Variants in TBX4 observed in about 807,000 individuals in gnomAD.
TBX4 encodes T-box transcription factor TBX4.
In TBX4, 13 loss-of-function variants were observed where a neutral mutation model predicts 54.6. The ratio of observed to expected loss-of-function variants is 0.24; its 90% CI spans 0.15 to 0.38. The LOEUF is 0.38. Among genes scored for constraint, TBX4 ranks in the 10% least tolerant of loss-of-function variants. The pLI, the probability that TBX4 is intolerant of heterozygous loss-of-function variation, is 1.00. For missense variants in TBX4, 631 were observed against 728.5 expected (o/e 0.87, Z 1.54); for synonymous variants, 314 against 306.7 (o/e 1.02, Z -0.25).
At chr17:61,453,404 T>C (rs1165462860) in intron 1 of TBX4, among the ~76,000 whole-genome samples, 1 of 152,168 alleles carries the variant, frequency 6.6e-6, no homozygotes, top group Non-Finnish European at 1.5e-5. Flanking sequence ...GTGGTAGTGA[T>C]ATAATAATAT....
chr17:61,454,816 C>A lies in TBX4; in HGVS notation c.-3-1672C>A, dbSNP rs758470377. Among the ~76,000 whole-genome samples, 30 of 152,344 alleles carry A rather than the reference C, an allele frequency of 2.0e-4. 1 individual carries two copies. Among genetic ancestry groups the A allele is most frequent in the Non-Finnish European group, 3.7e-4 (25 of 68,028 alleles). ...TGTGACAAGAGCCCAGCAGAGGACC[C>A]CATGGCCATGCGGGCCAAGCGCGAG... is the stretch of plus-strand genomic sequence containing the variant. On this transcript the variant is annotated intron_variant, in intron 1 of 8. Transcript: ENST00000644296.
At position 61,465,770 on chromosome 17, in the gene TBX4, C is replaced by T; in HGVS notation, c.282-49C>T. 4 of 1,612,128 alleles carry T rather than the reference C, an allele frequency of 2.5e-6. No homozygotes were observed. The highest frequency in any genetic ancestry group is 3.4e-6 in the Non-Finnish European group (4 of 1,178,860). Reference sequence around the variant, plus strand: ...CCCCCTTGCTCACTCTGTTCCATCTCTCCTGGTGCTCTGTCCACACGCTCC... The same window carrying T: ...CCCCCTTGCTCACTCTGTTCCATCTTTCCTGGTGCTCTGTCCACACGCTCC... On this transcript the variant is annotated intron_variant, in intron 3 of 8. Transcript: ENST00000644296. This position sits in a 1 kb window ranked among gnomAD's most constrained non-coding sequence, Gnocchi z 4.9.
rs1210808104 is a variant in TBX4, at chr17:61,460,901, A to T, written c.281+3270A>T. Among the ~76,000 whole-genome samples the T allele has an allele frequency of 2.0e-5, 3 of 152,304 alleles. No homozygotes were observed. The highest frequency in any genetic ancestry group is 7.2e-5 in the African/African-American group (3 of 41,560). ...ACAGTGAATTTGCGTTTGAAAAATG[A>T]ACTACCGATGAGAACTCCTGTTGAA... On this transcript the variant is annotated intron_variant, in intron 3 of 8. Coordinates refer to ENST00000644296, the MANE Select transcript of TBX4 (RefSeq NM_001321120.2). This position sits in a 1 kb window ranked among gnomAD's most constrained non-coding sequence, Gnocchi z 4.4.
At position 61,478,406 on chromosome 17, in the gene TBX4, T is replaced by G; in HGVS notation, c.550-221T>G. 1 of 602,708 alleles carries G rather than the reference T, an allele frequency of 1.7e-6. No individual in the cohort carries two copies. Among genetic ancestry groups the G allele is most frequent in the Non-Finnish European group, 2.9e-6 (1 of 341,676 alleles). 37.3% of individuals were successfully genotyped at this position (602,708 alleles called of 1,614,324 possible). A position where few individuals can be genotyped will look rare whatever the true frequency, so the allele number is the denominator to read the frequency against. On this transcript the variant is annotated intron_variant, in intron 5 of 8. Transcript: ENST00000644296. The surrounding 1 kb of genome is among the most constrained non-coding windows in gnomAD (Gnocchi z 7.4). ...ATCAAGGAGGGCCTGGAGCTGGGCATTAGTGCTGGTGCAGAGAGGCTAAGT... is the reference window on the plus strand; with the variant it reads ...ATCAAGGAGGGCCTGGAGCTGGGCAGTAGTGCTGGTGCAGAGAGGCTAAGT...
At chr17:61,455,240 G>A (rs1032432325) in intron 1 of TBX4, among the ~76,000 whole-genome samples, 1 of 152,248 alleles carries the variant, frequency 6.6e-6, no homozygotes, top group African/African-American at 2.4e-5. Flanking sequence ...CCGGGATGAG[G>A]AGGCCTCTGA....
Position 61,483,916 on chromosome 17 carries a change from C to A in TBX4, c.*400C>A. The A allele has an allele frequency of 3.8e-6, 1 of 265,908 alleles. No individual in the cohort carries two copies. Among genetic ancestry groups the A allele is most frequent in the East Asian group, 9.4e-5 (1 of 10,616 alleles). The allele number at this position is 265,908 out of a possible 1,614,324, so 16.5% of individuals were successfully genotyped here. A position where few individuals can be genotyped will look rare whatever the true frequency, so the allele number is the denominator to read the frequency against. On this transcript the variant is annotated 3_prime_UTR_variant, in exon 9 of 9. Coordinates refer to ENST00000644296, the MANE Select transcript of TBX4 (RefSeq NM_001321120.2). The surrounding 1 kb of genome is among the most constrained non-coding windows in gnomAD (Gnocchi z 6.6). ...CTCCCATGGGGAAAGATTCTCACTG[C>A]TGGGGTGGGAAGATTCTCGCTGCTG...
rs528504472 is a variant in TBX4, at chr17:61,481,285, A to T, written c.1021+966A>T. On this transcript the variant is annotated intron_variant, in intron 8 of 8. Coordinates refer to ENST00000644296, the MANE Select transcript of TBX4 (RefSeq NM_001321120.2). The surrounding 1 kb of genome is among the most constrained non-coding windows in gnomAD (Gnocchi z 4.8). ...GTGAAATTAAAGTTTTAGTGTCCAT[A>T]AAGTTTTATTGGAACACAGCCATAC... is the stretch of plus-strand genomic sequence containing the variant. The T allele has an allele frequency of 2.8e-4, 42 of 152,360 alleles. No individual in the cohort carries two copies. The highest frequency in any genetic ancestry group is 9.6e-4 in the African/African-American group (40 of 41,584). 9.4% of individuals were successfully genotyped at this position (152,360 alleles called of 1,614,324 possible).
intron 1 of TBX4, among the ~76,000 whole-genome samples, chr17:61,456,160 C>G (rs1366817460): frequency 6.6e-6 from 1 of 152,178 alleles, no homozygotes; most frequent in Non-Finnish European, 1.5e-5. Context: ...CACCGGAGCT[C>G]AGTAGGAGTG....
In TBX4 at chr17:61,462,531, G is replaced by A. The variant is rs1163683059; in HGVS notation, c.282-3288G>A. Reference sequence around the variant, plus strand: ...GGGTGGGAGCAGGGAGAGGGTAGGGGGCATAGGGAGAGGGTGCAGGGAGGG... The same window carrying A: ...GGGTGGGAGCAGGGAGAGGGTAGGGAGCATAGGGAGAGGGTGCAGGGAGGG... On this transcript the variant is annotated intron_variant, in intron 3 of 8. Coordinates refer to ENST00000644296, the MANE Select transcript of TBX4 (RefSeq NM_001321120.2). This position sits in a 1 kb window ranked among gnomAD's most constrained non-coding sequence, Gnocchi z 4.5. Among the ~76,000 whole-genome samples, 3 of 151,726 alleles carry A rather than the reference G, an allele frequency of 2.0e-5. No individual in the cohort carries two copies. The highest frequency in any genetic ancestry group is 4.4e-5 in the Non-Finnish European group (3 of 67,878).
In TBX4 at chr17:61,460,490, A is replaced by T. The variant is rs1363642806; in HGVS notation, c.281+2859A>T. Among the ~76,000 whole-genome samples, 1 of 152,170 alleles carries T rather than the reference A, an allele frequency of 6.6e-6. No individual in the cohort carries two copies. Among genetic ancestry groups the T allele is most frequent in the Non-Finnish European group, 1.5e-5 (1 of 68,032 alleles). ...TGCCAAACAATTTGGCCTGGTGGAT[A>T]AAATGCCAACCACAGTGGGAGCCAC... On this transcript the variant is annotated intron_variant, in intron 3 of 8. Transcript: ENST00000644296. The surrounding 1 kb of genome is among the most constrained non-coding windows in gnomAD (Gnocchi z 4.4).
chr17:61,470,131 G>T (rs995868308), intron 5 of TBX4, among the ~76,000 whole-genome samples: 1 of 152,188 alleles, frequency 6.6e-6, no homozygotes, highest in Non-Finnish European at 1.5e-5. Context: ...CATGAGAGTG[G>T]CTGTGGTATC....
In TBX4 at chr17:61,478,450, G is replaced by A; in HGVS notation, c.550-177G>A. 1.3e-6 allele frequency: 1 copy of A among 784,910 alleles called. No individual in the cohort carries two copies. The highest frequency in any genetic ancestry group is 1.6e-5 in the South Asian group (1 of 61,036). 48.6% of individuals were successfully genotyped at this position (784,910 alleles called of 1,614,324 possible). A position where few individuals can be genotyped will look rare whatever the true frequency, so the allele number is the denominator to read the frequency against. On this transcript the variant is annotated intron_variant, in intron 5 of 8. Coordinates refer to ENST00000644296, the MANE Select transcript of TBX4 (RefSeq NM_001321120.2). This position sits in a 1 kb window ranked among gnomAD's most constrained non-coding sequence, Gnocchi z 7.4. ...GCTAAGTAGGGCTGGGGTGGGGAGA[G>A]TTTGGGGCCCAGGGGCCTGGTTCTT...
In TBX4 at chr17:61,453,006, A is replaced by G. The variant is rs541885893; in HGVS notation, c.-4+429A>G. 11 of 985,010 alleles carry G rather than the reference A, an allele frequency of 1.1e-5. No individual in the cohort carries two copies. In the South Asian group the frequency reaches 4.7e-4, roughly 42 times the overall value. 61.0% of individuals were successfully genotyped at this position (985,010 alleles called of 1,614,324 possible). ...TAGATATGTGAGTGATCAGAACACT[A>G]GACTCAGAGCCTTTGATGCAATAGA... On this transcript the variant is annotated intron_variant, in intron 1 of 8. Transcript: ENST00000644296.
intron 5 of TBX4, among the ~76,000 whole-genome samples, chr17:61,468,421 C>T (rs896384596): frequency 2.0e-5 from 3 of 152,192 alleles, no homozygotes; most frequent in Non-Finnish European, 2.9e-5. Context: ...GGCACAGGCC[C>T]CTCCCCTCGA....
At chr17:61,467,776 C>A in intron 5 of TBX4, 119 bp downstream of exon 5, 2 of 1,324,178 alleles carry the variant, frequency 1.5e-6, no homozygotes, top group Non-Finnish European at 2.1e-6. Flanking sequence ...CTTTGGCGCT[C>A]ACTGACCAGT....
chr17:61,477,733 G>A, intron 5 of TBX4, among the ~76,000 whole-genome samples: 1 of 152,162 alleles, frequency 6.6e-6, no homozygotes, highest in Admixed American at 6.5e-5. Context: ...TGGAGGTCAG[G>A]AGTTCGAGAC....
rs926593125 is a variant in TBX4 at position 61,456,616 on chromosome 17, C to G, written c.126C>G (p.Ala42=). ...TGGCAGCGCCGGGCCTCAGCGGAGC[C>G]GCGCTAGGCAGCCCCCCGGGACCCG... The part of the protein sequence containing the change: ...PALAAPGLSG[A]ALGSPPGPGA... Residue 42 remains alanine, a synonymous_variant, in exon 2 of 9, where the codon GCC becomes GCG. Coordinates refer to ENST00000644296, the MANE Select transcript of TBX4 (RefSeq NM_001321120.2). 7.2e-7 allele frequency: 1 copy of G among 1,388,926 alleles called. No homozygotes were observed. 86.0% of individuals were successfully genotyped at this position (1,388,926 alleles called of 1,614,324 possible). A position where few individuals can be genotyped will look rare whatever the true frequency, so the allele number is the denominator to read the frequency against.
rs1304635434 is a variant in TBX4, at chr17:61,472,416, T to C, written c.549+4759T>C. ...TTTATTATGAGTAAGGTTAAGCATC[T>C]TCTTTTAATAAATTTCCTCTCCTGC... On this transcript the variant is annotated intron_variant, in intron 5 of 8. Coordinates refer to ENST00000644296, the MANE Select transcript of TBX4 (RefSeq NM_001321120.2). The surrounding 1 kb of genome is among the most constrained non-coding windows in gnomAD (Gnocchi z 4.5). 6.6e-6 allele frequency among the ~76,000 whole-genome samples: 1 copy of C among 152,242 alleles called. No homozygotes were observed. Among genetic ancestry groups the C allele is most frequent in the Non-Finnish European group, 1.5e-5 (1 of 68,040 alleles).
In TBX4 at chr17:61,462,676, C is replaced by G. The variant is rs1026565040; in HGVS notation, c.282-3143C>G. 6.6e-6 allele frequency among the ~76,000 whole-genome samples: 1 copy of G among 152,194 alleles called. No individual in the cohort carries two copies. Among genetic ancestry groups the G allele is most frequent in the Non-Finnish European group, 1.5e-5 (1 of 68,014 alleles). On this transcript the variant is annotated intron_variant, in intron 3 of 8. Coordinates refer to ENST00000644296, the MANE Select transcript of TBX4 (RefSeq NM_001321120.2). This position sits in a 1 kb window ranked among gnomAD's most constrained non-coding sequence, Gnocchi z 4.5. Reference sequence around the variant, plus strand: ...GTGGCAGGGCCTGCGTGGACACAGGCGGCACACACAGTGTCTTCCTTCTTG... The same window carrying G: ...GTGGCAGGGCCTGCGTGGACACAGGGGGCACACACAGTGTCTTCCTTCTTG...
Sources: allele counts gnomAD v4.1 joint callset (sites outside exome capture counted in the v4.1 genomes callset), GRCh38; gene constraint gnomAD v4.1.1; non-coding constraint Gnocchi (gnomAD v3.1); transcripts MANE v1.5; gene names NCBI Gene and HGNC (gene_info 2026-07-23, HGNC 2026-07-21).